GON4L: variants seen among roughly 807,000 people sequenced by gnomAD.
GON4L encodes the protein GON-4-like protein.
GON4L carries 87 observed loss-of-function variants against 211.8 expected under a neutral mutation model. The observed-to-expected ratio is 0.41, with a 90% CI of 0.35 to 0.49. The LOEUF is 0.49. Ranked by LOEUF, GON4L falls within the 20% of genes least tolerant of loss-of-function variation. GON4L has a pLI of 0.15. For synonymous variants in GON4L, 875 were observed against 962.6 expected, an observed-to-expected ratio of 0.91 and a Z score of 1.68; for missense variants, 2,155 against 2,659.5, an observed-to-expected ratio of 0.81 and a Z score of 4.17.
At chr1:155,814,878 C>T (rs547111904) in intron 8 of GON4L, among the ~76,000 whole-genome samples, 114 of 151,906 alleles carry the variant, frequency 7.5e-4, no homozygotes, top group Non-Finnish European at 4.0e-4. Context: ...TTTGGAAGGC[C>T]GAGGCGGGTG....
At chr1:155,813,421 T>TA (rs1330321794) in intron 10 of GON4L, among the ~76,000 whole-genome samples, 1 of 151,858 alleles carries the variant, frequency 6.6e-6, no homozygotes, top group Non-Finnish European at 1.5e-5. Flanking sequence ...GACAGGGTGA[T>TA]ACCCTGTCTC....
chr1:155,754,418 A>G lies in GON4L; in HGVS notation c.5588T>C (p.Leu1863Pro), dbSNP rs772807121. The change falls in exon 28 of 32, where the codon CTG becomes CCG. Residue 1863 changes from leucine (L) to proline (P), a missense_variant. Physicochemically the swap from Leu to Pro is moderately conservative, Grantham distance 98 (BLOSUM62 -3). Coordinates refer to ENST00000368331, the MANE Select transcript of GON4L (RefSeq NM_001282860.2). ...ACAGCTCCGCCTTTTGCTCTTCTTC[A>G]GCTTGGAATCTGGACCTCCTTCATG... ...SCHEGGPDSKLKKSKRRSCSH... is the reference protein window; with the variant it reads ...SCHEGGPDSKPKKSKRRSCSH... 1 of 1,612,786 alleles carries G rather than the reference A, an allele frequency of 6.2e-7. No individual in the cohort carries two copies. Among genetic ancestry groups the G allele is most frequent in the Non-Finnish European group, 8.5e-7 (1 of 1,179,542 alleles).
At chr1:155,777,911 C>G (rs1476818539) in intron 14 of GON4L, 91 bp from the exon 15 acceptor site, 2 of 797,108 alleles carry the variant, frequency 2.5e-6, no homozygotes, top group Non-Finnish European at 4.4e-6. Context: ...AGAGCCTGAA[C>G]AATTTTCATT....
chr1:155,790,394 G>A (rs1429267266), intron 12 of GON4L, among the ~76,000 whole-genome samples: 1 of 145,850 alleles, frequency 6.9e-6, no homozygotes, highest in African/African-American at 2.5e-5. Context: ...CACCATGCCC[G>A]GCTGCACCCA....
intron 27 of GON4L, chr1:155,756,578 C>T (rs902776794): frequency 4.3e-5 from 9 of 209,746 alleles, no homozygotes; most frequent in Middle Eastern, 2.0e-3. Context: ...AGTGAGAAAA[C>T]GCAAGGCTTG....
chr1:155,853,937 G>A, intron 1 of GON4L, 131 bp from the exon 2 acceptor site: 2 of 669,608 alleles, frequency 3.0e-6, no homozygotes, highest in Non-Finnish European at 5.1e-6. Context: ...TTTCCCTTTA[G>A]GTGGAAGTTG....
At chr1:155,788,649 A>G (rs1478040935) in intron 12 of GON4L, among the ~76,000 whole-genome samples, 1 of 152,220 alleles carries the variant, frequency 6.6e-6, no homozygotes, top group African/African-American at 2.4e-5. Flanking sequence ...AATTCTACTC[A>G]ACAATATAAG....
chr1:155,821,181 G>T (rs1668703119), intron 5 of GON4L, among the ~76,000 whole-genome samples: 1 of 152,008 alleles, frequency 6.6e-6, no homozygotes, highest in East Asian at 1.9e-4. Flanking sequence ...CAGGACAATG[G>T]CCTGAACCCG....
chr1:155,792,099 C>A (rs1418125849), intron 12 of GON4L, among the ~76,000 whole-genome samples: 2 of 152,016 alleles, frequency 1.3e-5, no homozygotes, highest in African/African-American at 4.8e-5. Flanking sequence ...ACACTATCTG[C>A]AGAATTGTTG....
rs1046657160 is a variant in GON4L at position 155,773,348 on chromosome 1, C to A, written c.2351-138G>T. 8 of 876,094 alleles carry A rather than the reference C, an allele frequency of 9.1e-6. No homozygotes were observed. The African/African-American group carries it at 1.2e-4, about 13-fold the overall frequency. The allele number at this position is 876,094 out of a possible 1,614,324, so 54.3% of individuals were successfully genotyped here. On this transcript the variant is annotated intron_variant, in intron 17 of 31. Coordinates refer to ENST00000368331, the MANE Select transcript of GON4L (RefSeq NM_001282860.2). ...TCCCTCCCATCTGCCCACCATCCCC[C>A]CAAAAGTTTCCAGTCTTTCTTAAGC...
intron 14 of GON4L, among the ~76,000 whole-genome samples, chr1:155,780,649 T>C (rs1434164680): frequency 6.6e-6 from 1 of 152,118 alleles, no homozygotes; most frequent in Non-Finnish European, 1.5e-5. Context: ...CTAAGGTTCC[T>C]AACCCTAACT....
intron 19 of GON4L, among the ~76,000 whole-genome samples, chr1:155,769,845 G>A (rs1662992745): frequency 1.3e-5 from 2 of 151,730 alleles, no homozygotes; most frequent in African/African-American, 4.8e-5. Context: ...TGTTTGTGGT[G>A]GGAGTAAGGG....
chr1:155,814,537 A>C, intron 8 of GON4L, 88 bp from the exon 9 acceptor site: 1 of 1,345,968 alleles, frequency 7.4e-7, no homozygotes, highest in South Asian at 1.2e-5. Context: ...GAATCATAAA[A>C]TATCAATCAC....
At position 155,752,626 on chromosome 1, in the gene GON4L, G is replaced by T. The variant is rs777800138; in HGVS notation, c.5843-36C>A. 3 of 1,557,880 alleles carry T rather than the reference G, an allele frequency of 1.9e-6. No individual in the cohort carries two copies. The African/African-American group carries it at 4.1e-5, about 21-fold the overall frequency. ...AAATAAGGATCTCAGGGTACTGTCA[G>T]GTTCAAGATGCACCTAAGCACGAGA... On this transcript the variant is annotated intron_variant, in intron 29 of 31. Transcript: ENST00000368331.
In GON4L at chr1:155,831,559, CT is replaced by C. The variant is rs1409017065; in HGVS notation, c.506-4532del. 2.0e-5 allele frequency: 3 copies of C among 152,036 alleles called. No individual in the cohort carries two copies. The East Asian group carries it at 5.8e-4, about 29-fold the overall frequency. The allele number at this position is 152,036 out of a possible 1,614,324, so 9.4% of individuals were successfully genotyped here. A position where few individuals can be genotyped will look rare whatever the true frequency, so the allele number is the denominator to read the frequency against. The stretch of plus-strand genomic sequence containing the variant: ...CCTGTAAGCCCAGCACTTTAGAAGG[CT>C]GAAGCAGCAGGATCATTTAAGGCCA... On this transcript the variant is annotated intron_variant, in intron 2 of 31. Transcript: ENST00000368331.
intron 2 of GON4L, among the ~76,000 whole-genome samples, chr1:155,836,205 G>T (rs1670278993): frequency 6.6e-6 from 1 of 151,336 alleles, no homozygotes; most frequent in African/African-American, 2.4e-5. Context: ...TCCACGAAAA[G>T]ATGAGTGTCC....
intron 11 of GON4L, among the ~76,000 whole-genome samples, chr1:155,803,538 C>T (rs1483008164): frequency 6.6e-6 from 1 of 152,176 alleles, no homozygotes; most frequent in Non-Finnish European, 1.5e-5. Context: ...CCACCACGCC[C>T]AGCCTACTTA....
At chr1:155,816,936 T>C (rs917229638) in intron 6 of GON4L, among the ~76,000 whole-genome samples, 8 of 152,122 alleles carry the variant, frequency 5.3e-5, no homozygotes, top group African/African-American at 1.9e-4. Flanking sequence ...TGTAACAATC[T>C]TTCAACTTTT....
Position 155,816,198 on chromosome 1 carries a change from T to G in GON4L, c.1065+14A>C. The G allele has an allele frequency of 8.1e-7, 1 of 1,239,540 alleles. No individual in the cohort carries two copies. Among genetic ancestry groups the G allele is most frequent in the Non-Finnish European group, 1.2e-6 (1 of 841,542 alleles). The allele number at this position is 1,239,540 out of a possible 1,614,324, so 76.8% of individuals were successfully genotyped here. Reference sequence around the variant, plus strand: ...TTTCTGGAAAAGAATAACAATTATTTCTTCCAAGTTTACCTTAATTTCATT... The same window carrying G: ...TTTCTGGAAAAGAATAACAATTATTGCTTCCAAGTTTACCTTAATTTCATT... On this transcript the variant is annotated intron_variant, in intron 7 of 31. Coordinates refer to ENST00000368331, the MANE Select transcript of GON4L (RefSeq NM_001282860.2).
Sources: allele counts gnomAD v4.1 joint callset (sites outside exome capture counted in the v4.1 genomes callset), GRCh38; gene constraint gnomAD v4.1.1; transcripts MANE v1.5; gene names NCBI Gene and HGNC (gene_info 2026-07-23, HGNC 2026-07-21).